The following ARHGAP8 variants were observed in gnomAD, a reference collection of about 807,000 sequenced individuals.
ARHGAP8 encodes the protein Rho GTPase activating protein 8.
In ARHGAP8, 62 loss-of-function variants were observed where a neutral mutation model predicts 46.1. The observed-to-expected ratio is 1.34, with a 90% CI of 1.10 to 1.66. The LOEUF (loss-of-function observed/expected upper bound fraction) is 1.66. Ranked by LOEUF, ARHGAP8 falls within the 40% of genes most tolerant of loss-of-function variation. ARHGAP8 has a pLI of 0.00. For synonymous variants in ARHGAP8, 375 were observed against 243.1 expected (o/e 1.54, Z -5.05); for missense variants, 923 against 568.4 (o/e 1.62, Z -6.34).
intron 7 of ARHGAP8, among the ~76,000 whole-genome samples, chr22:44,841,006 C>T (rs1931614917): frequency 6.6e-6 from 1 of 152,180 alleles, no homozygotes; most frequent in South Asian, 2.1e-4. Flanking sequence ...GGCCCCAAAA[C>T]TTGGCTCTGC....
At chr22:44,808,248 G>A (rs1434702856) in intron 3 of ARHGAP8, 59 bp from the exon 4 acceptor site, 15 of 1,576,362 alleles carry the variant, frequency 9.5e-6, no homozygotes, top group African/African-American at 6.7e-5. Context: ...GGGAAAGCAC[G>A]TTTGGTTTCA....
intron 4 of ARHGAP8, among the ~76,000 whole-genome samples, chr22:44,811,321 G>A (rs913391471): frequency 2.6e-5 from 4 of 152,258 alleles, no homozygotes; most frequent in African/African-American, 4.8e-5. Flanking sequence ...GCACCAGCCC[G>A]GGGAAGGAGG....
At chr22:44,833,828 CTT>C (rs1292456092) in intron 7 of ARHGAP8, among the ~76,000 whole-genome samples, 2 of 152,086 alleles carry the variant, frequency 1.3e-5, no homozygotes, top group Admixed American at 1.3e-4. Flanking sequence ...AATGTAACCT[CTT>C]TGCTTGTTAT....
chr22:44,858,533 C>T lies in ARHGAP8; in HGVS notation c.878-1198C>T, dbSNP rs1278295258. On this transcript the variant is annotated intron_variant, in intron 10 of 11. Coordinates refer to ENST00000356099, the MANE Select transcript of ARHGAP8 (RefSeq NM_181335.3). ...TACAGGTGTGTGCCACCATACCCGG[C>T]TTTTTTTTTTTTTTTTTTAAGTAAC... is the stretch of plus-strand genomic sequence containing the variant. Among the ~76,000 whole-genome samples the T allele has an allele frequency of 8.1e-4, 73 of 89,768 alleles. 1 individual carries two copies. The highest frequency in any genetic ancestry group is 1.5e-3 in the African/African-American group (33 of 21,684). The allele number at this position is 89,768 out of a possible 152,430, so 58.9% of individuals were successfully genotyped here. A position where few individuals can be genotyped will look rare whatever the true frequency, so the allele number is the denominator to read the frequency against.
intron 8 of ARHGAP8, among the ~76,000 whole-genome samples, chr22:44,846,923 G>A (rs1158225667): frequency 2.0e-5 from 3 of 152,176 alleles, no homozygotes; most frequent in Admixed American, 2.0e-4. Flanking sequence ...GGGCAGTGGA[G>A]CTGAGCTCTG....
At chr22:44,861,000 C>T (rs1434326479) in intron 11 of ARHGAP8, among the ~76,000 whole-genome samples, 4 of 56,944 alleles carry the variant, frequency 7.0e-5, no homozygotes, top group African/African-American at 1.8e-4. Flanking sequence ...CTAAACTCTC[C>T]TAATTCTCTC....
intron 7 of ARHGAP8, among the ~76,000 whole-genome samples, 176 bp from the exon 8 acceptor site, chr22:44,845,093 T>A (rs2069920508): frequency 6.6e-6 from 1 of 152,166 alleles, no homozygotes; most frequent in Non-Finnish European, 1.5e-5. Context: ...CACTATCATT[T>A]TATTATTTGG....
chr22:44,859,346 G>A (rs891637681), intron 10 of ARHGAP8, among the ~76,000 whole-genome samples: 2 of 149,290 alleles, frequency 1.3e-5, no homozygotes, highest in African/African-American at 2.5e-5. Context: ...AAAAGCATGT[G>A]GCACCTCTGT....
rs559782988 is a variant in ARHGAP8, at chr22:44,787,030, A to AAAAAAAAC, written c.79+430_79+431insACAAAAAA. On this transcript the variant is annotated intron_variant, in intron 2 of 11. Coordinates refer to ENST00000356099, the MANE Select transcript of ARHGAP8 (RefSeq NM_181335.3). ...TGACAGAGTGGTGAGACCCTGTCTCAAAAAAACAAAAAAAAAAAAAAGAAA... is the reference window on the plus strand; with the variant it reads ...TGACAGAGTGGTGAGACCCTGTCTCAAAAAAAACAAAAAACAAAAAAAAAAAAAAGAAA... Among the ~76,000 whole-genome samples, 9 of 23,374 alleles carry AAAAAAAAC rather than the reference A, an allele frequency of 3.9e-4. 1 individual carries two copies. Among genetic ancestry groups the AAAAAAAAC allele is most frequent in the Non-Finnish European group, 9.1e-4 (7 of 7,716 alleles). 15.3% of individuals were successfully genotyped at this position (23,374 alleles called of 152,430 possible).
chr22:44,791,947 G>C (rs1388397434), intron 2 of ARHGAP8, among the ~76,000 whole-genome samples: 1 of 152,044 alleles, frequency 6.6e-6, no homozygotes, highest in East Asian at 1.9e-4. Flanking sequence ...AGGTGCATTG[G>C]ATACAGAGAA....
chr22:44,759,707 AAGGGAGATGGTC>A (rs1463558144), intron 1 of ARHGAP8, among the ~76,000 whole-genome samples: 1 of 152,198 alleles, frequency 6.6e-6, no homozygotes, highest in Non-Finnish European at 1.5e-5. Flanking sequence ...CAGGGGCCTG[AAGGGAGATGGTC>A]AGGGAGATTG....
chr22:44,830,264 T>C (rs1479374646), intron 7 of ARHGAP8, among the ~76,000 whole-genome samples: 1 of 152,068 alleles, frequency 6.6e-6, no homozygotes, highest in African/African-American at 2.4e-5. Flanking sequence ...CCTCAGGTGA[T>C]CCACCCGCCT....
chr22:44,817,457 A>G (rs1482134507), intron 5 of ARHGAP8, among the ~76,000 whole-genome samples: 3 of 152,248 alleles, frequency 2.0e-5, no homozygotes, highest in Non-Finnish European at 4.4e-5. Flanking sequence ...CCTATGTGAC[A>G]TGTGACATAT....
intron 1 of ARHGAP8, among the ~76,000 whole-genome samples, chr22:44,784,770 C>T (rs6007290): frequency 0.89 from 134,756 of 152,254 alleles, 59,912 homozygotes; most frequent in Non-Finnish European, 0.94. Flanking sequence ...ACTGGGAGGC[C>T]TCTGTTCTGC....
intron 1 of ARHGAP8, among the ~76,000 whole-genome samples, chr22:44,754,594 G>A (rs555558581): frequency 9.2e-5 from 14 of 152,122 alleles, no homozygotes; most frequent in Admixed American, 3.9e-4. Context: ...GACCTCAGAC[G>A]ATTTGTCTGC....
intron 6 of ARHGAP8, 74 bp downstream of exon 6, chr22:44,822,543 G>T: frequency 7.6e-7 from 1 of 1,310,100 alleles, no homozygotes; most frequent in Non-Finnish European, 1.0e-6. Flanking sequence ...TCAGTCCCAT[G>T]AATGTTTAAG....
At chr22:44,752,814 G>T (rs1024235429) in intron 1 of ARHGAP8, 187 bp downstream of exon 1, 1 of 151,804 alleles carries the variant, frequency 6.6e-6, no homozygotes, top group African/African-American at 2.4e-5. Context: ...CAGCCTCCGG[G>T]TCCCCTGTGG....
chr22:44,843,784 C>T (rs1000479201), intron 7 of ARHGAP8, among the ~76,000 whole-genome samples: 18 of 147,022 alleles, frequency 1.2e-4, no homozygotes, highest in Admixed American at 6.1e-4. Flanking sequence ...AAGATCACAC[C>T]GCTGTACTCC....
chr22:44,812,975 T>TCCC (rs1294175557), intron 4 of ARHGAP8, among the ~76,000 whole-genome samples: 1 of 152,144 alleles, frequency 6.6e-6, no homozygotes, highest in African/African-American at 2.4e-5. Flanking sequence ...TTTTAAGGAC[T>TCCC]CCCAGGTCCT....
Sources: gnomAD v4.1 joint callset for allele counts (sites outside exome capture counted in the v4.1 genomes callset) on GRCh38, gnomAD v4.1.1 for gene constraint, MANE v1.5 for transcripts, NCBI Gene and HGNC (gene_info 2026-07-23, HGNC 2026-07-21) for gene names.